Variants in CD5 observed in about 807,000 individuals in gnomAD.
CD5 encodes CD5 molecule, also known as T-cell surface glycoprotein CD5.
A neutral mutation model predicts 60.3 loss-of-function variants in CD5; 36 were observed. The observed-to-expected ratio is 0.60, with a 90% CI of 0.46 to 0.79. The LOEUF (loss-of-function observed/expected upper bound fraction) is 0.79, where lower values mean the gene tolerates loss of function less well. CD5 is among the 30% of genes least tolerant of loss of function. The probability of loss-of-function intolerance (pLI) is 0.00; values close to 1 mark genes in which losing one functional copy is unlikely to be tolerated. For missense variants in CD5, 540 were observed against 630.6 expected (o/e 0.86, Z 1.54); for synonymous variants, 230 against 257.6 (o/e 0.89, Z 1.03).
chr11:61,103,542 ATGTG>A (rs555333932), intron 1 of CD5, among the ~76,000 whole-genome samples: 8 of 145,304 alleles, frequency 5.5e-5, no homozygotes, highest in African/African-American at 2.0e-4. Flanking sequence ...GGGGGAATGC[ATGTG>A]TGTGTGTCTG....
At chr11:61,105,530 T>C (rs1258800610) in intron 1 of CD5, among the ~76,000 whole-genome samples, 1 of 152,052 alleles carries the variant, frequency 6.6e-6, no homozygotes, top group Non-Finnish European at 1.5e-5. Flanking sequence ...TAAACAATAA[T>C]AACAGCAACA....
the CD5 span, among the ~76,000 whole-genome samples, chr11:61,096,699 C>T: frequency 6.6e-6 from 1 of 152,218 alleles, no homozygotes; most frequent in African/African-American, 2.4e-5. Context: ...TATCATGGCC[C>T]TTACGGTCCC....
intron 1 of CD5, among the ~76,000 whole-genome samples, chr11:61,108,786 T>A (rs1860809417): frequency 6.6e-6 from 1 of 152,154 alleles, no homozygotes; most frequent in South Asian, 2.1e-4. Flanking sequence ...ACTAAATCAG[T>A]CATAGGTGTT....
At chr11:61,109,380 G>A (rs1860819915) in intron 1 of CD5, among the ~76,000 whole-genome samples, 1 of 152,190 alleles carries the variant, frequency 6.6e-6, no homozygotes, top group Non-Finnish European at 1.5e-5. Flanking sequence ...AGCGAGGCGT[G>A]GACGAAACAG....
In CD5 at chr11:61,118,859, GC is replaced by G; in HGVS notation, c.401-51del. The G allele has an allele frequency of 1.7e-5, 22 of 1,303,226 alleles. No individual in the cohort carries two copies. The highest frequency in any genetic ancestry group is 3.6e-5 in the Admixed American group (2 of 56,210). The allele number at this position is 1,303,226 out of a possible 1,614,324, so 80.7% of individuals were successfully genotyped here. ...CCTGGTCCTCTCAAGGCTGCTGGCT[GC>G]CCCCGGCCCTCCCCACACCACCCAT... On this transcript the variant is annotated intron_variant, in intron 3 of 10. Coordinates refer to ENST00000347785, the MANE Select transcript of CD5 (RefSeq NM_014207.4). The surrounding 1 kb of genome is among the most constrained non-coding windows in gnomAD (Gnocchi z 4.7).
Position 61,105,200 on chromosome 11 carries a change from C to T in CD5, c.55+2585C>T, listed in dbSNP as rs543337100. On this transcript the variant is annotated intron_variant, in intron 1 of 10. Coordinates refer to ENST00000347785, the MANE Select transcript of CD5 (RefSeq NM_014207.4). ...GGCCAGGGCTTCCCACAGTTGCTCCCCTCTCAGCCCCAGCCTGCCTGGACA... is the reference window on the plus strand; with the variant it reads ...GGCCAGGGCTTCCCACAGTTGCTCCTCTCTCAGCCCCAGCCTGCCTGGACA... 1.0e-3 allele frequency among the ~76,000 whole-genome samples: 154 copies of T among 152,340 alleles called. 2 individuals carry two copies. The highest frequency in any genetic ancestry group is 3.6e-3 in the African/African-American group (149 of 41,580).
At chr11:61,098,773 G>T (rs879819535), upstream of CD5, among the ~76,000 whole-genome samples, 1 of 152,292 alleles carries the variant, frequency 6.6e-6, no homozygotes, top group Non-Finnish European at 1.5e-5. Flanking sequence ...TGATGCTCCC[G>T]GCTGAATAAA....
intron 1 of CD5, among the ~76,000 whole-genome samples, chr11:61,103,031 G>A (rs371002592): frequency 5.3e-5 from 8 of 152,174 alleles, no homozygotes; most frequent in Non-Finnish European, 7.3e-5. Context: ...ATGGAAACTC[G>A]CCGTCTCCGA....
intron 9 of CD5, 123 bp downstream of exon 9, chr11:61,125,274 A>G: frequency 9.4e-7 from 1 of 1,063,228 alleles, no homozygotes; most frequent in Middle Eastern, 2.4e-4. Flanking sequence ...CCCAGGGTGC[A>G]AGGGGATCAA....
intron 1 of CD5, among the ~76,000 whole-genome samples, chr11:61,109,887 C>T (rs924790470): frequency 4.6e-5 from 7 of 152,024 alleles, no homozygotes; most frequent in Non-Finnish European, 8.8e-5. Flanking sequence ...CCCAGTTGCT[C>T]GGGGTGAGGG....
chr11:61,113,443 A>G (rs1214553472), intron 1 of CD5, among the ~76,000 whole-genome samples: 12 of 152,204 alleles, frequency 7.9e-5, no homozygotes, highest in Admixed American at 7.9e-4. Flanking sequence ...ACATGGGGGA[A>G]GGCTGGTTCC....
chr11:61,116,777 AC>A (rs1313402373), intron 2 of CD5, among the ~76,000 whole-genome samples: 10 of 132,274 alleles, frequency 7.6e-5, no homozygotes, highest in South Asian at 4.9e-4. Flanking sequence ...ACCACGCACC[AC>A]CACACACACA....
At chr11:61,119,169 C>A in intron 4 of CD5, 65 bp from the exon 5 acceptor site, 1 of 1,447,256 alleles carries the variant, frequency 6.9e-7, no homozygotes, top group Non-Finnish European at 9.3e-7. Context: ...GGCCAAACAG[C>A]AAGGAGTGCC....
chr11:61,099,234 C>T (rs1043847765), upstream of CD5, among the ~76,000 whole-genome samples: 7 of 152,142 alleles, frequency 4.6e-5, no homozygotes, highest in Admixed American at 4.6e-4. Context: ...AGATCACACA[C>T]ATCAACATGG....
At chr11:61,096,197 A>G in the CD5 span, among the ~76,000 whole-genome samples, 2 of 152,254 alleles carry the variant, frequency 1.3e-5, no homozygotes, top group South Asian at 2.1e-4. Flanking sequence ...AATGTAACCA[A>G]TGCGCCTGTT....
intron 2 of CD5, among the ~76,000 whole-genome samples, chr11:61,117,549 C>T (rs1471024217): frequency 2.6e-5 from 4 of 151,826 alleles, no homozygotes; most frequent in East Asian, 3.9e-4. Context: ...AGTGCAGTGG[C>T]GCGATCTTGG....
chr11:61,110,773 C>T (rs1202364798), intron 1 of CD5, among the ~76,000 whole-genome samples: 3 of 152,174 alleles, frequency 2.0e-5, no homozygotes, highest in Admixed American at 1.3e-4. Context: ...AAAATAATAG[C>T]ACCTACTTCA....
At chr11:61,107,729 C>T (rs77696239) in intron 1 of CD5, among the ~76,000 whole-genome samples, 3,567 of 152,272 alleles carry the variant, frequency 0.023, 66 homozygotes, top group Middle Eastern at 0.051. Flanking sequence ...TCATCATCAC[C>T]ATCATGTACC....
intron 5 of CD5, among the ~76,000 whole-genome samples, chr11:61,120,620 C>T (rs1274438511): frequency 1.3e-5 from 2 of 152,086 alleles, no homozygotes; most frequent in Admixed American, 1.3e-4. Flanking sequence ...CTGGACCTTC[C>T]GAATCAGAAT....
Sources: allele counts gnomAD v4.1 joint callset (sites outside exome capture counted in the v4.1 genomes callset), GRCh38; gene constraint gnomAD v4.1.1; non-coding constraint Gnocchi (gnomAD v3.1); transcripts MANE v1.5; gene names NCBI Gene and HGNC (gene_info 2026-07-23, HGNC 2026-07-21).